The following P2RX7 variants were observed in gnomAD, a reference collection of about 807,000 sequenced individuals.
The protein encoded by P2RX7 is P2X purinoceptor 7.
Under a neutral mutation model 71.6 loss-of-function variants are expected in P2RX7, and 62 were observed. The ratio of observed to expected loss-of-function variants is 0.87; its 90% CI spans 0.71 to 1.07. The LOEUF (loss-of-function observed/expected upper bound fraction) is 1.07. Ranked by LOEUF, P2RX7 falls within the 50% of genes least tolerant of loss-of-function variation. P2RX7 has a pLI of 0.00. For missense variants in P2RX7, 686 were observed against 748.5 expected (o/e 0.92, Z 0.97); for synonymous variants, 299 against 283.3 (o/e 1.06, Z -0.56).
chr12:121,181,806 A>G (rs954942616), intron 12 of P2RX7, among the ~76,000 whole-genome samples: 6 of 151,474 alleles, frequency 4.0e-5, no homozygotes, highest in Non-Finnish European at 8.8e-5. Context: ...GCAGTGAGCC[A>G]AGATTGCACC....
chr12:121,185,153 A>G lies in P2RX7; in HGVS notation c.*351A>G. On this transcript the variant is annotated 3_prime_UTR_variant, in exon 13 of 13. Transcript: ENST00000328963. ...CATGTTAACATGACATTTACCAGCA[A>G]CTTGAACTTCACCTGCAAAGCTCTG... 5.4e-6 allele frequency: 1 copy of G among 184,194 alleles called. No individual in the cohort carries two copies. Among genetic ancestry groups the G allele is most frequent in the Non-Finnish European group, 1.1e-5 (1 of 88,664 alleles). 11.4% of individuals were successfully genotyped at this position (184,194 alleles called of 1,614,324 possible).
chr12:121,138,750 A>G (rs1874225736), intron 1 of P2RX7, among the ~76,000 whole-genome samples: 1 of 152,218 alleles, frequency 6.6e-6, no homozygotes, highest in Admixed American at 6.5e-5. Flanking sequence ...AGACTCCATC[A>G]GCAATTGCTG....
At chr12:121,160,799 C>A in intron 3 of P2RX7, 103 bp from the exon 4 acceptor site, 1 of 986,662 alleles carries the variant, frequency 1.0e-6, no homozygotes, top group Non-Finnish European at 1.6e-6. Context: ...AGTAGTGCTG[C>A]TATAAGCATT....
At chr12:121,166,870 C>T (rs566714512) in intron 7 of P2RX7, among the ~76,000 whole-genome samples, 3 of 146,858 alleles carry the variant, frequency 2.0e-5, no homozygotes, top group African/African-American at 5.1e-5. Context: ...GGTGAAAGCC[C>T]ATCTTTACTA....
chr12:121,179,073 G>A (rs537416224), intron 11 of P2RX7, among the ~76,000 whole-genome samples: 2 of 152,198 alleles, frequency 1.3e-5, no homozygotes, highest in South Asian at 2.1e-4. Flanking sequence ...TTAGGGTGGG[G>A]GAGTAGGAGT....
At chr12:121,167,850 T>C (rs543573559) in intron 8 of P2RX7, among the ~76,000 whole-genome samples, 1 of 142,820 alleles carries the variant, frequency 7.0e-6, no homozygotes, top group East Asian at 1.9e-4. Flanking sequence ...TCTCACTCTG[T>C]CACCCAGGCT....
Position 121,155,357 on chromosome 12 carries a change from C to T in P2RX7, c.294+404C>T, listed in dbSNP as rs890185620. 4 of 1,295,596 alleles carry T rather than the reference C, an allele frequency of 3.1e-6. No homozygotes were observed. In the African/African-American group the frequency reaches 6.0e-5, roughly 20 times the overall value. 80.3% of individuals were successfully genotyped at this position (1,295,596 alleles called of 1,614,324 possible). On this transcript the variant is annotated intron_variant, in intron 2 of 12. Coordinates refer to ENST00000328963, the MANE Select transcript of P2RX7 (RefSeq NM_002562.6). ...TAGCATTTCATCAACAAAAATGACTCCAGGAGACCATTCTTGGGTACATTT... is the reference window on the plus strand; with the variant it reads ...TAGCATTTCATCAACAAAAATGACTTCAGGAGACCATTCTTGGGTACATTT...
chr12:121,184,286 T>A lies in P2RX7; in HGVS notation c.1291-19T>A. 6.4e-7 allele frequency: 1 copy of A among 1,572,764 alleles called. No homozygotes were observed. ...GAGGGCTTGTCATGGCTAATAGGTT[T>A]GGAAACTTGCTTTTTCAGAGACCTG... is the stretch of plus-strand genomic sequence containing the variant. On this transcript the variant is annotated intron_variant, in intron 12 of 12. Coordinates refer to ENST00000328963, the MANE Select transcript of P2RX7 (RefSeq NM_002562.6).
intron 1 of P2RX7, among the ~76,000 whole-genome samples, chr12:121,140,369 G>A (rs886354404): frequency 4.6e-5 from 7 of 152,296 alleles, no homozygotes; most frequent in South Asian, 2.1e-4. Context: ...ATGCAGAGAA[G>A]TAAAACCATC....
chr12:121,178,816 A>T (rs1212145104), intron 11 of P2RX7, among the ~76,000 whole-genome samples: 1 of 147,628 alleles, frequency 6.8e-6, no homozygotes, highest in African/African-American at 2.5e-5. Context: ...AAAAAAAATT[A>T]TAGGACTTGA....
intron 3 of P2RX7, among the ~76,000 whole-genome samples, chr12:121,159,342 A>G (rs972858858): frequency 6.9e-6 from 1 of 145,042 alleles, no homozygotes; most frequent in African/African-American, 2.6e-5. Flanking sequence ...GCCTGAACTC[A>G]GGAGGTGGAG....
At chr12:121,152,146 AT>A (rs1230405101) in intron 1 of P2RX7, among the ~76,000 whole-genome samples, 1 of 151,700 alleles carries the variant, frequency 6.6e-6, no homozygotes, top group African/African-American at 2.4e-5. Context: ...CACCCGGCTA[AT>A]TTTTTGTATT....
At chr12:121,163,169 G>A (rs1034174078) in intron 5 of P2RX7, among the ~76,000 whole-genome samples, 25 of 152,288 alleles carry the variant, frequency 1.6e-4, no homozygotes, top group African/African-American at 6.0e-4. Flanking sequence ...CCATTTTGCT[G>A]TGTGTCCTTG....
chr12:121,159,743 C>G (rs368299875), intron 3 of P2RX7, among the ~76,000 whole-genome samples: 42 of 152,294 alleles, frequency 2.8e-4, no homozygotes, highest in African/African-American at 8.2e-4. Context: ...TCCTTCAGCC[C>G]TGAGACCCAG....
rs1565961976 is a variant in P2RX7, at chr12:121,166,086, ACT to A, written c.644_645del (p.Thr215MetfsTer26). The A allele has an allele frequency of 6.8e-6, 11 of 1,613,542 alleles. No individual in the cohort carries two copies. In the South Asian group the frequency reaches 1.2e-4, roughly 18 times the overall value. On this transcript the variant is annotated frameshift_variant, in exon 7 of 13. Transcript: ENST00000328963. LOFTEE classifies it high-confidence loss of function. ...AAACATCCTGCCAGGTTTAAACATCACTTGTACCTTCCACAAGACTCAGAATC... is the reference window on the plus strand; with the variant it reads ...AAACATCCTGCCAGGTTTAAACATCATGTACCTTCCACAAGACTCAGAATC... The part of the protein sequence containing the change: ...TRNILPGLNI[T>X]CTFHKTQNPQ...
At chr12:121,140,089 C>T (rs510660) in intron 1 of P2RX7, among the ~76,000 whole-genome samples, 26,753 of 152,116 alleles carry the variant, frequency 0.18, 4,359 homozygotes, top group African/African-American at 0.43. Context: ...TCTCATCCCA[C>T]CCTTGACACC....
intron 8 of P2RX7, among the ~76,000 whole-genome samples, chr12:121,170,974 A>C (rs989128985): frequency 6.6e-6 from 1 of 152,110 alleles, no homozygotes; most frequent in Non-Finnish European, 1.5e-5. Flanking sequence ...CCTGTGGCGA[A>C]ATGTCCTTAT....
At chr12:121,182,080 G>A (rs1442721617) in intron 12 of P2RX7, among the ~76,000 whole-genome samples, 136 of 130,996 alleles carry the variant, frequency 1.0e-3, no homozygotes, top group African/African-American at 3.8e-3. Flanking sequence ...AAAAAAAAAA[G>A]TCTTTTCTGC....
At chr12:121,165,952 G>A in intron 6 of P2RX7, 106 bp from the exon 7 acceptor site, 3 of 1,215,142 alleles carry the variant, frequency 2.5e-6, no homozygotes, top group East Asian at 4.9e-5. Flanking sequence ...TGATCATTTG[G>A]GGCTTTCATG....
Sources: allele counts gnomAD v4.1 joint callset (sites outside exome capture counted in the v4.1 genomes callset), GRCh38; gene constraint gnomAD v4.1.1; transcripts MANE v1.5; gene names NCBI Gene and HGNC (gene_info 2026-07-23, HGNC 2026-07-21).